CMTR2: variants seen among roughly 807,000 people sequenced by gnomAD.
The protein encoded by CMTR2 is cap-specific mRNA (nucleoside-2'-O-)-methyltransferase 2.
A neutral mutation model predicts 49.8 loss-of-function variants in CMTR2; 40 were observed. That is an observed-to-expected ratio of 0.80 (90% CI 0.62 to 1.04). The LOEUF (loss-of-function observed/expected upper bound fraction) is 1.04, where lower values mean the gene tolerates loss of function less well. Among genes scored for constraint, CMTR2 ranks in the 50% least tolerant of loss-of-function variants. CMTR2 has a pLI of 0.00. For missense variants in CMTR2, 907 were observed against 897.2 expected, an observed-to-expected ratio of 1.01 and a Z score of -0.14; for synonymous variants, 326 against 315.8, an observed-to-expected ratio of 1.03 and a Z score of -0.34.
At position 71,281,660 on chromosome 16, in the gene CMTR2, G is replaced by C. The variant is rs2041613275; in HGVS notation, c.*1948C>G. ...TCATGTCTAACCTCTAAAGCAATTT[G>C]AATCCAATGAATCAGATGAGCAATT... is the stretch of plus-strand genomic sequence containing the variant. On this transcript the variant is annotated 3_prime_UTR_variant, in exon 3 of 3. Transcript: ENST00000434935. The C allele has an allele frequency of 6.6e-6, 1 of 151,844 alleles. No homozygotes were observed. The highest frequency in any genetic ancestry group is 2.4e-5 in the African/African-American group (1 of 41,400). The allele number at this position is 151,844 out of a possible 1,614,324, so 9.4% of individuals were successfully genotyped here. A position where few individuals can be genotyped will look rare whatever the true frequency, so the allele number is the denominator to read the frequency against.
In CMTR2 at chr16:71,283,639, T is replaced by C. The variant is rs1482738595; in HGVS notation, c.2282A>G (p.Glu761Gly). The C allele has an allele frequency of 6.2e-7, 1 of 1,612,142 alleles. No individual in the cohort carries two copies. The highest frequency in any genetic ancestry group is 1.1e-5 in the South Asian group (1 of 90,774). ...TTGTAACTGAAGGCTGTTGATAATT[T>C]CTTCTCTCTCTCTTTGAATAATGAA... is the stretch of plus-strand genomic sequence containing the variant. ...LHFIIQRERE[E>G]IINSLQLQN Residue 761 changes from glutamate (E) to glycine (G), a missense_variant, in exon 3 of 3, where the codon GAA becomes GGA. Transcript: ENST00000434935.
chr16:71,286,201 T>TG (rs2041723475), intron 2 of CMTR2, among the ~76,000 whole-genome samples: 2 of 66,730 alleles, frequency 3.0e-5, no homozygotes, highest in Non-Finnish European at 7.0e-5. Flanking sequence ...TTTCTTCTCA[T>TG]TAAAAAAAAA....
chr16:71,286,726 C>A (rs948855345), intron 2 of CMTR2: 1 of 151,860 alleles, frequency 6.6e-6, no homozygotes, highest in Non-Finnish European at 1.5e-5. Flanking sequence ...ACTGTTTACC[C>A]GGTATGTCTC....
Position 71,284,269 on chromosome 16 carries a change from G to GA in CMTR2, c.1651dup (p.Ser551PhefsTer2), listed in dbSNP as rs1379046770. On this transcript the variant is annotated frameshift_variant, in exon 3 of 3. Coordinates refer to ENST00000434935, the MANE Select transcript of CMTR2 (RefSeq NM_018348.6). LOFTEE classifies it high-confidence loss of function. ...CAACTCGGAAAATATCAGTTCTTCA[G>GA]AAAAAACATGACAAGAACAAGAATA... The GA allele has an allele frequency of 9.3e-6, 15 of 1,613,966 alleles. No homozygotes were observed. The highest frequency in any genetic ancestry group is 1.2e-5 in the Non-Finnish European group (14 of 1,179,950).
At chr16:71,288,854 C>A (rs1431432431) in intron 2 of CMTR2, 24 bp downstream of exon 2, 1 of 152,212 alleles carries the variant, frequency 6.6e-6, no homozygotes, top group Non-Finnish European at 1.5e-5. Context: ...ACAAAACCCA[C>A]AAGATCTCAT....
In CMTR2 at chr16:71,283,081, C is replaced by G. The variant is rs1432604585; in HGVS notation, c.*527G>C. ...TCAAGAATCTGGCGAGATGAATTCC[C>G]TGAAATTCATAACTGATGTGTTAAC... On this transcript the variant is annotated 3_prime_UTR_variant, in exon 3 of 3. Coordinates refer to ENST00000434935, the MANE Select transcript of CMTR2 (RefSeq NM_018348.6). The G allele has an allele frequency of 6.5e-6, 1 of 152,786 alleles. No homozygotes were observed. Among genetic ancestry groups the G allele is most frequent in the African/African-American group, 2.4e-5 (1 of 41,428 alleles). 9.5% of individuals were successfully genotyped at this position (152,786 alleles called of 1,614,324 possible). A position where few individuals can be genotyped will look rare whatever the true frequency, so the allele number is the denominator to read the frequency against.
rs2041630033 is a variant in CMTR2, at chr16:71,282,673, A to G, written c.*935T>C. 1 of 152,146 alleles carries G rather than the reference A, an allele frequency of 6.6e-6. No homozygotes were observed. Among genetic ancestry groups the G allele is most frequent in the African/African-American group, 2.4e-5 (1 of 41,442 alleles). 9.4% of individuals were successfully genotyped at this position (152,146 alleles called of 1,614,324 possible). A position where few individuals can be genotyped will look rare whatever the true frequency, so the allele number is the denominator to read the frequency against. On this transcript the variant is annotated 3_prime_UTR_variant, in exon 3 of 3. Coordinates refer to ENST00000434935, the MANE Select transcript of CMTR2 (RefSeq NM_018348.6). The stretch of plus-strand genomic sequence containing the variant: ...AAAAAAGAAATTAGAAAAGATTAAA[A>G]ATTTTAAATTCTGAACCATCATTCT...
chr16:71,288,540 T>G (rs964718659), intron 2 of CMTR2: 3 of 152,050 alleles, frequency 2.0e-5, no homozygotes, highest in African/African-American at 7.3e-5. Flanking sequence ...ACTGAATAAA[T>G]GAGTGGATAT....
rs750024387 is a variant in CMTR2, at chr16:71,283,995, A to C, written c.1926T>G (p.Val642=). The C allele has an allele frequency of 7.4e-6, 12 of 1,613,932 alleles. No individual in the cohort carries two copies. The highest frequency in any genetic ancestry group is 1.0e-5 in the Non-Finnish European group (12 of 1,179,832). ...HSLRELHTGD[V]MILPVLSCFT... is the part of the protein sequence containing the mutation. ...AGCAAGAAAGTACAGGCAAAATCAT[A>C]ACATCTCCTGTATGAAGCTCCCGCA... The change falls in exon 3 of 3, where the codon GTT becomes GTG. Residue 642 remains valine (V), a synonymous_variant. Coordinates refer to ENST00000434935, the MANE Select transcript of CMTR2 (RefSeq NM_018348.6).
chr16:71,284,631 ATT>A lies in CMTR2; in HGVS notation c.1288_1289del (p.Asn430TyrfsTer12). The A allele has an allele frequency of 6.2e-7, 1 of 1,613,048 alleles. No homozygotes were observed. The highest frequency in any genetic ancestry group is 8.5e-7 in the Non-Finnish European group (1 of 1,179,626). On this transcript the variant is annotated frameshift_variant, in exon 3 of 3. Coordinates refer to ENST00000434935, the MANE Select transcript of CMTR2 (RefSeq NM_018348.6). LOFTEE classifies it high-confidence loss of function. The part of the protein sequence containing the change: ...VKKSSIGCST[N>X]TKWFGQRNKY... ...TGTTCCTCTGCCCAAACCATTTTGT[ATT>A]TGTACTACAACCAATACTAGATTTT... is the stretch of plus-strand genomic sequence containing the variant.
chr16:71,284,293 T>C lies in CMTR2; in HGVS notation c.1628A>G (p.Tyr543Cys). Residue 543 changes from tyrosine to cysteine, a missense_variant, in exon 3 of 3, where the codon TAT becomes TGT. Coordinates refer to ENST00000434935, the MANE Select transcript of CMTR2 (RefSeq NM_018348.6). The stretch of plus-strand genomic sequence containing the variant: ...AGAAAAAACATGACAAGAACAAGAA[T>C]ACTGCTGTTTTGGCCTAAACTTGGA... ...LDSKFRPKQQ[Y>C]SCSCHVFSEE... 1 of 1,614,004 alleles carries C rather than the reference T, an allele frequency of 6.2e-7. No homozygotes were observed. The highest frequency in any genetic ancestry group is 8.5e-7 in the Non-Finnish European group (1 of 1,179,960).
In CMTR2 at chr16:71,283,913, T is replaced by C. The variant is rs769516770; in HGVS notation, c.2008A>G (p.Thr670Ala). The change falls in exon 3 of 3, where the codon ACT becomes GCT. Residue 670 changes from threonine to alanine, a missense_variant. Thr to Ala is a moderately conservative substitution (Grantham distance 58). Coordinates refer to ENST00000434935, the MANE Select transcript of CMTR2 (RefSeq NM_018348.6). ...TCAGAGGATGTGGGACAAACAAAAG[T>C]GATGAATCTAAAACAACTGTGGAGT... Reference protein sequence around the residue: ...FVLHSCFRFITFVCPTSSDPL... With the variant: ...FVLHSCFRFIAFVCPTSSDPL... 13 of 1,613,974 alleles carry C rather than the reference T, an allele frequency of 8.1e-6. No homozygotes were observed. The highest frequency in any genetic ancestry group is 1.7e-5 in the Admixed American group (1 of 60,008).
upstream of CMTR2, chr16:71,289,551 C>G (rs2041801381): frequency 6.6e-6 from 1 of 152,286 alleles, no homozygotes; most frequent in Non-Finnish European, 1.5e-5. Flanking sequence ...GCCTCCCGCC[C>G]CCGGCCACTA....
At chr16:71,287,120 C>A (rs1050013532) in intron 2 of CMTR2, 2 of 152,092 alleles carry the variant, frequency 1.3e-5, no homozygotes, top group Admixed American at 1.3e-4. Context: ...ATACACAATG[C>A]ATTCTACAAA....
chr16:71,286,036 A>G, intron 2 of CMTR2, 97 bp from the exon 3 acceptor site: 1 of 884,762 alleles, frequency 1.1e-6, no homozygotes, highest in Non-Finnish European at 1.7e-6. Flanking sequence ...AAACTCCATA[A>G]AATGGGAAGG....
intron 2 of CMTR2, chr16:71,287,580 T>G (rs2041750155): frequency 6.6e-6 from 1 of 152,062 alleles, no homozygotes; most frequent in South Asian, 2.1e-4. Context: ...ACTACAGACG[T>G]GCACCACCAC....
At chr16:71,288,302 ACCTAAGATTG>A (rs1423926404) in intron 2 of CMTR2, 6 of 152,160 alleles carry the variant, frequency 3.9e-5, no homozygotes, top group Admixed American at 3.9e-4. Flanking sequence ...AGTGAAGCCT[ACCTAAGATTG>A]CATCTTGCAT....
Position 71,283,384 on chromosome 16 carries a change from T to C in CMTR2, c.*224A>G. 2 of 558,714 alleles carry C rather than the reference T, an allele frequency of 3.6e-6. No homozygotes were observed. Among genetic ancestry groups the C allele is most frequent in the East Asian group, 3.0e-5 (1 of 33,166 alleles). 34.6% of individuals were successfully genotyped at this position (558,714 alleles called of 1,614,324 possible). On this transcript the variant is annotated 3_prime_UTR_variant, in exon 3 of 3. Coordinates refer to ENST00000434935, the MANE Select transcript of CMTR2 (RefSeq NM_018348.6). ...ACACACCTCATATTTAGAGTGTGAA[T>C]ATCTATCATTGCATAGATTCCACCA...
intron 2 of CMTR2, 62 bp from the exon 3 acceptor site, chr16:71,286,001 C>A (rs2041720926): frequency 8.1e-7 from 1 of 1,230,882 alleles, no homozygotes; most frequent in Non-Finnish European, 1.1e-6. Context: ...ATCTCATGAG[C>A]AGCAAATACG....
Sources: allele counts gnomAD v4.1 joint callset (sites outside exome capture counted in the v4.1 genomes callset), GRCh38; gene constraint gnomAD v4.1.1; transcripts MANE v1.5; gene names NCBI Gene and HGNC (gene_info 2026-07-23, HGNC 2026-07-21).